Variants in WDR37 observed in about 807,000 individuals in gnomAD.
WDR37 encodes the protein WD repeat-containing protein 37.
Under a neutral mutation model 62.9 loss-of-function variants are expected in WDR37, and 19 were observed. The observed-to-expected ratio is 0.30, with a 90% CI of 0.21 to 0.44. The LOEUF (loss-of-function observed/expected upper bound fraction) is 0.44. Among genes scored for constraint, WDR37 ranks in the 20% least tolerant of loss-of-function variants. The pLI is 1.00. For synonymous variants in WDR37, 250 were observed against 260.9 expected, an observed-to-expected ratio of 0.96 and a Z score of 0.40; for missense variants, 474 against 657.6, an observed-to-expected ratio of 0.72 and a Z score of 3.05.
intron 13 of WDR37, among the ~76,000 whole-genome samples, chr10:1,128,405 C>T (rs1835866829): frequency 6.6e-6 from 1 of 152,228 alleles, no homozygotes; most frequent in Admixed American, 6.5e-5. Flanking sequence ...TGCTATTGCT[C>T]TGTCACATAT....
rs1040130511 is a variant in WDR37, at chr10:1,103,353, A to G, written c.727-249A>G. Among the ~76,000 whole-genome samples, 5 of 152,182 alleles carry G rather than the reference A, an allele frequency of 3.3e-5. No homozygotes were observed. Among genetic ancestry groups the G allele is most frequent in the African/African-American group, 1.2e-4 (5 of 41,434 alleles). ...GGAAATAAATGGTAGTTCGGTTGAC[A>G]ATGTTGTGGATTCCACTTTTTTTTC... On this transcript the variant is annotated intron_variant, in intron 9 of 13. Transcript: ENST00000263150. The surrounding 1 kb of genome is among the most constrained non-coding windows in gnomAD (Gnocchi z 6.3).
intron 1 of WDR37, among the ~76,000 whole-genome samples, chr10:1,066,238 C>G (rs1488119334): frequency 6.6e-6 from 1 of 152,154 alleles, no homozygotes; most frequent in Non-Finnish European, 1.5e-5. Context: ...GCCTCAGCCT[C>G]CTGAGTATCT....
At chr10:1,062,600 A>G (rs936662985) in intron 1 of WDR37, among the ~76,000 whole-genome samples, 2 of 152,214 alleles carry the variant, frequency 1.3e-5, no homozygotes, top group African/African-American at 2.4e-5. Context: ...TTTACAAAAC[A>G]TACTCCATAA....
rs575936255 is a variant in WDR37, at chr10:1,080,854, C to T, written c.396+378C>T. Reference sequence around the variant, plus strand: ...CTGGGAGGTGGAGGTTGCAGTGAGCCGAGCTTACACCACCGCACTCTAGCC... The same window carrying T: ...CTGGGAGGTGGAGGTTGCAGTGAGCTGAGCTTACACCACCGCACTCTAGCC... On this transcript the variant is annotated intron_variant, in intron 5 of 13. Coordinates refer to ENST00000263150, the MANE Select transcript of WDR37 (RefSeq NM_014023.4). 3.1e-4 allele frequency among the ~76,000 whole-genome samples: 47 copies of T among 151,144 alleles called. 2 individuals carry two copies. The South Asian group carries it at 9.6e-3, about 31-fold the overall frequency.
At position 1,068,580 on chromosome 10, in the gene WDR37, A is replaced by G. The variant is rs78674276; in HGVS notation, c.-40-3536A>G. 8.9e-3 allele frequency among the ~76,000 whole-genome samples: 1,355 copies of G among 152,314 alleles called. 13 individuals are homozygous for G. Among genetic ancestry groups the G allele is most frequent in the African/African-American group, 0.021 (870 of 41,558 alleles). The stretch of plus-strand genomic sequence containing the variant: ...TATGACAAATTTTCATAAAAGAGTA[A>G]TGACAATACCAAATGCTGGTGAGGA... On this transcript the variant is annotated intron_variant, in intron 1 of 13. Coordinates refer to ENST00000263150, the MANE Select transcript of WDR37 (RefSeq NM_014023.4).
intron 1 of WDR37, among the ~76,000 whole-genome samples, chr10:1,071,705 T>C (rs1281857235): frequency 6.6e-6 from 1 of 152,248 alleles, no homozygotes; most frequent in Admixed American, 6.5e-5. Flanking sequence ...TTTAAAAATG[T>C]GGACACTGGA....
chr10:1,104,812 T>G (rs1266428733), intron 10 of WDR37, among the ~76,000 whole-genome samples: 1 of 152,206 alleles, frequency 6.6e-6, no homozygotes, highest in East Asian at 1.9e-4. Context: ...TTAGAAGGTA[T>G]TCTAAGCAAA....
rs912892866 is a variant in WDR37, at chr10:1,063,106, A to G, written c.-41+6138A>G. ...GTTAAAAAAAAAAAAAAAGAGACTG[A>G]AAGATGGAGAAAAGAAGGTAGACTT... On this transcript the variant is annotated intron_variant, in intron 1 of 13. Transcript: ENST00000263150. 7.2e-5 allele frequency among the ~76,000 whole-genome samples: 11 copies of G among 151,942 alleles called. No individual in the cohort carries two copies. The South Asian group carries it at 1.0e-3, about 14-fold the overall frequency.
chr10:1,101,911 T>C (rs758578048), intron 9 of WDR37, among the ~76,000 whole-genome samples: 1 of 152,254 alleles, frequency 6.6e-6, no homozygotes. Flanking sequence ...TAGAAGTTAC[T>C]ACCACCTTAC....
At chr10:1,128,410 A>C (rs540051018) in intron 13 of WDR37, among the ~76,000 whole-genome samples, 2 of 152,370 alleles carry the variant, frequency 1.3e-5, no homozygotes, top group South Asian at 2.1e-4. Flanking sequence ...TTGCTCTGTC[A>C]CATATTTTGC....
Position 1,129,777 on chromosome 10 carries a change from G to A in WDR37, c.*433G>A, listed in dbSNP as rs1307728467. The stretch of plus-strand genomic sequence containing the variant: ...ACTGTGGGGCTGCCTGTGTTGGCTG[G>A]CGACCAGCAGGATTGCTCCAGGATT... On this transcript the variant is annotated 3_prime_UTR_variant, in exon 14 of 14. Coordinates refer to ENST00000263150, the MANE Select transcript of WDR37 (RefSeq NM_014023.4). 6.4e-6 allele frequency: 1 copy of A among 155,580 alleles called. No homozygotes were observed. The highest frequency in any genetic ancestry group is 1.4e-5 in the Non-Finnish European group (1 of 69,970). The allele number at this position is 155,580 out of a possible 1,614,324, so 9.6% of individuals were successfully genotyped here.
chr10:1,121,198 T>G lies in WDR37; in HGVS notation c.1104-3020T>G, dbSNP rs1472882386. ...AATACTTGTCAGGATTGTGATTTAT[T>G]AAAAACCTAATGTCTTTTAGCATTT... On this transcript the variant is annotated intron_variant, in intron 11 of 13. Transcript: ENST00000263150. The surrounding 1 kb of genome is among the most constrained non-coding windows in gnomAD (Gnocchi z 4.5). 6.6e-6 allele frequency among the ~76,000 whole-genome samples: 1 copy of G among 152,274 alleles called. No homozygotes were observed. The highest frequency in any genetic ancestry group is 1.5e-5 in the Non-Finnish European group (1 of 68,050).
intron 7 of WDR37, among the ~76,000 whole-genome samples, chr10:1,093,137 A>G (rs1834458171): frequency 6.6e-6 from 1 of 152,136 alleles, no homozygotes; most frequent in African/African-American, 2.4e-5. Flanking sequence ...CGTTGTCATA[A>G]TTATGTTTTC....
intron 7 of WDR37, 39 bp from the exon 8 acceptor site, chr10:1,093,413 T>G (rs1273305789): frequency 6.6e-7 from 1 of 1,525,012 alleles, no homozygotes; most frequent in South Asian, 1.2e-5. Context: ...CATGTTTTTG[T>G]CACTTTAAAC....
rs376879332 is a variant in WDR37, at chr10:1,103,887, T to C, written c.961+51T>C. ...CCTCCTGGCTGTGCATGTTAGTTTATGTCCATGGGTTATGTCTGACCTTGC... is the reference window on the plus strand; with the variant it reads ...CCTCCTGGCTGTGCATGTTAGTTTACGTCCATGGGTTATGTCTGACCTTGC... On this transcript the variant is annotated intron_variant, in intron 10 of 13. Transcript: ENST00000263150. The surrounding 1 kb of genome is among the most constrained non-coding windows in gnomAD (Gnocchi z 6.3). 55 of 1,571,714 alleles carry C rather than the reference T, an allele frequency of 3.5e-5. No homozygotes were observed. The African/African-American group carries it at 7.0e-4, about 20-fold the overall frequency.
intron 11 of WDR37, 34 bp from the exon 12 acceptor site, chr10:1,124,184 C>T: frequency 6.2e-7 from 1 of 1,613,286 alleles, no homozygotes; most frequent in South Asian, 1.1e-5. Context: ...CCTGCACCTG[C>T]TGTTGCATCT....
At position 1,073,421 on chromosome 10, in the gene WDR37, G is replaced by A. The variant is rs142549835; in HGVS notation, c.138+1128G>A. Among the ~76,000 whole-genome samples, 394 of 152,268 alleles carry A rather than the reference G, an allele frequency of 2.6e-3. 1 individual carries two copies. The highest frequency in any genetic ancestry group is 9.1e-3 in the African/African-American group (379 of 41,552). ...ATACAGCAGTGTGAACCCAGAATCC[G>A]ACATGACTGTTGCCACGAAGAGGAT... On this transcript the variant is annotated intron_variant, in intron 2 of 13. Transcript: ENST00000263150.
At chr10:1,126,366 A>C (rs1464022237) in intron 13 of WDR37, among the ~76,000 whole-genome samples, 13 of 149,232 alleles carry the variant, frequency 8.7e-5, no homozygotes, top group East Asian at 5.9e-4. Context: ...AGATCGCGCC[A>C]CTGCACTCCA....
intron 11 of WDR37, among the ~76,000 whole-genome samples, chr10:1,115,757 G>C (rs530028910): frequency 6.6e-6 from 1 of 152,266 alleles, no homozygotes; most frequent in South Asian, 2.1e-4. Context: ...CTTTCTTTTT[G>C]GTGATGGCTT....
Sources: allele counts gnomAD v4.1 joint callset (sites outside exome capture counted in the v4.1 genomes callset), GRCh38; gene constraint gnomAD v4.1.1; non-coding constraint Gnocchi (gnomAD v3.1); transcripts MANE v1.5; gene names NCBI Gene and HGNC (gene_info 2026-07-23, HGNC 2026-07-21).